The following RCBTB2 variants were observed in gnomAD, a reference collection of about 807,000 sequenced individuals.
RCBTB2 encodes the protein RCC1 and BTB domain containing protein 2, also known as RCC1 and BTB domain-containing protein 2.
Under a neutral mutation model 65.4 loss-of-function variants are expected in RCBTB2, and 55 were observed. That is an observed-to-expected ratio of 0.84 (90% CI 0.68 to 1.05). The LOEUF (loss-of-function observed/expected upper bound fraction) is 1.05, where lower values mean the gene tolerates loss of function less well. Ranked by LOEUF, RCBTB2 falls within the 50% of genes least tolerant of loss-of-function variation. The pLI, the probability that RCBTB2 is intolerant of heterozygous loss-of-function variation, is 0.00. For synonymous variants in RCBTB2, 220 were observed against 255.2 expected (o/e 0.86, Z 1.31); for missense variants, 599 against 680.1 (o/e 0.88, Z 1.33).
At chr13:48,501,681 A>C (rs1950240438) in intron 12 of RCBTB2, 61 bp downstream of exon 12, 3 of 1,445,924 alleles carry the variant, frequency 2.1e-6, no homozygotes, top group Non-Finnish European at 2.9e-6. Context: ...ATAGTTGGAC[A>C]CTTAGAATAT....
intron 11 of RCBTB2, 52 bp from the exon 12 acceptor site, chr13:48,501,920 C>T: frequency 6.4e-7 from 1 of 1,574,072 alleles, no homozygotes; most frequent in Non-Finnish European, 8.7e-7. Flanking sequence ...ATAATGAACA[C>T]ACAGGACAGG....
Position 48,489,983 on chromosome 13 carries a change from TC to T in RCBTB2, c.*127del, listed in dbSNP as rs1949629443. 8 of 1,010,738 alleles carry T rather than the reference TC, an allele frequency of 7.9e-6. No homozygotes were observed. In the South Asian group the frequency reaches 1.1e-4, roughly 14 times the overall value. The allele number at this position is 1,010,738 out of a possible 1,614,324, so 62.6% of individuals were successfully genotyped here. A position where few individuals can be genotyped will look rare whatever the true frequency, so the allele number is the denominator to read the frequency against. On this transcript the variant is annotated 3_prime_UTR_variant, in exon 15 of 15. Transcript: ENST00000344532. ...GACAAAGACCACTCACCACCATCCT[TC>T]TTCTGACAGTTACAAGTACTCAGCC...
chr13:48,532,523 T>G (rs1016402424), intron 1 of RCBTB2: 1 of 168,214 alleles, frequency 5.9e-6, no homozygotes, highest in Non-Finnish European at 1.3e-5. Context: ...GCGAGTGGGT[T>G]AGGAGGGAGA....
chr13:48,534,327 A>AT (rs892389636), upstream of RCBTB2, among the ~76,000 whole-genome samples: 30 of 150,388 alleles, frequency 2.0e-4, no homozygotes, highest in East Asian at 3.9e-4. Context: ...GATAGCTGGC[A>AT]TTTTTTTTTT....
Position 48,502,872 on chromosome 13 carries a change from C to T in RCBTB2, c.969G>A (p.Ala323=), listed in dbSNP as rs377664749. The change falls in exon 11 of 15, where the codon GCG becomes GCA. Residue 323 remains alanine, a synonymous_variant. Transcript: ENST00000344532. ...ACACGTGCCCACCCTGCGTCTTGGC[C>T]GCAGACGTGTGTGTGGAGTGACAGG... ...IAACHSTHTS[A]AKTQGGHVYM... 11 of 1,613,942 alleles carry T rather than the reference C, an allele frequency of 6.8e-6. No individual in the cohort carries two copies. The highest frequency in any genetic ancestry group is 1.7e-5 in the Admixed American group (1 of 59,992).
chr13:48,504,730 A>G (rs150792784), intron 10 of RCBTB2, among the ~76,000 whole-genome samples: 75 of 152,372 alleles, frequency 4.9e-4, no homozygotes, highest in Middle Eastern at 3.4e-3. Context: ...AAGACTCAAC[A>G]ACACAGAGCA....
intron 10 of RCBTB2, 70 bp from the exon 11 acceptor site, chr13:48,502,984 C>T: frequency 1.4e-6 from 2 of 1,411,432 alleles, no homozygotes; most frequent in Non-Finnish European, 1.9e-6. Context: ...CTCCTCCCGC[C>T]AGGTTTAACT....
At chr13:48,517,631 C>CA (rs1371651989) in intron 4 of RCBTB2, among the ~76,000 whole-genome samples, 1 of 152,188 alleles carries the variant, frequency 6.6e-6, no homozygotes, top group Non-Finnish European at 1.5e-5. Context: ...CAAAAACAAG[C>CA]AGAGCCACCA....
intron 14 of RCBTB2, among the ~76,000 whole-genome samples, chr13:48,493,341 T>TCTCTC (rs1555297879): frequency 2.2e-4 from 12 of 55,488 alleles, no homozygotes; most frequent in East Asian, 6.8e-4. Flanking sequence ...TCTCTCTCTC[T>TCTCTC]TCTCTTCTCT....
intron 1 of RCBTB2, among the ~76,000 whole-genome samples, chr13:48,530,509 A>G (rs1379911507): frequency 6.6e-6 from 1 of 152,264 alleles, no homozygotes. Context: ...AGTTAGGTCT[A>G]TCTGGTTCAT....
intron 10 of RCBTB2, among the ~76,000 whole-genome samples, chr13:48,507,532 G>C (rs1950565552): frequency 6.6e-6 from 1 of 152,214 alleles, no homozygotes; most frequent in African/African-American, 2.4e-5. Flanking sequence ...TTGAGGGAAT[G>C]ATCAACAACA....
At chr13:48,507,094 G>C (rs929774774) in intron 10 of RCBTB2, among the ~76,000 whole-genome samples, 6 of 152,230 alleles carry the variant, frequency 3.9e-5, no homozygotes, top group African/African-American at 1.4e-4. Flanking sequence ...AGAGCCAAAG[G>C]GTGGGTCAGG....
intron 1 of RCBTB2, chr13:48,532,709 G>A (rs1952222515): frequency 3.5e-6 from 1 of 289,178 alleles, no homozygotes; most frequent in Non-Finnish European, 6.8e-6. Context: ...GGCCTGGGCA[G>A]GATGTAGTCG....
chr13:48,525,765 T>G (rs901833042), intron 1 of RCBTB2, among the ~76,000 whole-genome samples: 3 of 152,068 alleles, frequency 2.0e-5, no homozygotes, highest in African/African-American at 7.2e-5. Flanking sequence ...ATAAATTATC[T>G]AGAATCAAAA....
At position 48,501,798 on chromosome 13, in the gene RCBTB2, C is replaced by T; in HGVS notation, c.1188G>A (p.Leu396=). 2 of 1,613,232 alleles carry T rather than the reference C, an allele frequency of 1.2e-6. No individual in the cohort carries two copies. Among genetic ancestry groups the T allele is most frequent in the East Asian group, 2.2e-5 (1 of 44,888 alleles). Residue 396 remains leucine (L), a synonymous_variant, in exon 12 of 15, where the codon CTG becomes CTA. Transcript: ENST00000344532. The part of the protein sequence containing the change: ...REFDNPDTAD[L]KFLVDGKYIY... The stretch of plus-strand genomic sequence containing the variant: ...TGTACTTTCCATCAACTAGAAACTT[C>T]AGGTCTGCAGTGTCCGGGTTGTCAA...
At chr13:48,491,205 T>C (rs961931425) in intron 14 of RCBTB2, among the ~76,000 whole-genome samples, 4 of 152,178 alleles carry the variant, frequency 2.6e-5, no homozygotes, top group Admixed American at 1.3e-4. Context: ...CTTTTCTTCT[T>C]TAGACATAAA....
At chr13:48,494,413 A>G (rs1949883191) in intron 14 of RCBTB2, among the ~76,000 whole-genome samples, 1 of 152,238 alleles carries the variant, frequency 6.6e-6, no homozygotes, top group African/African-American at 2.4e-5. Context: ...TTAGCTGGAC[A>G]GGCTGTAGTA....
chr13:48,497,165 C>G (rs1203901471), intron 13 of RCBTB2, among the ~76,000 whole-genome samples: 3 of 152,144 alleles, frequency 2.0e-5, no homozygotes, highest in Non-Finnish European at 4.4e-5. Flanking sequence ...TTGTCACTTG[C>G]TTGCATTTTT....
At chr13:48,525,342 G>C (rs950735200) in intron 1 of RCBTB2, among the ~76,000 whole-genome samples, 1 of 110,758 alleles carries the variant, frequency 9.0e-6, no homozygotes, top group African/African-American at 3.2e-5. Flanking sequence ...TAAAACAAAC[G>C]ACACAATTCA....
Sources: gnomAD v4.1 joint callset for allele counts (sites outside exome capture counted in the v4.1 genomes callset) on GRCh38, gnomAD v4.1.1 for gene constraint, MANE v1.5 for transcripts, NCBI Gene and HGNC (gene_info 2026-07-23, HGNC 2026-07-21) for gene names.